Variants in ASIC2 observed in about 807,000 individuals in gnomAD.
ASIC2 encodes the protein acid-sensing ion channel 2.
In ASIC2, 25 loss-of-function variants were observed where a neutral mutation model predicts 57.3. The ratio of observed to expected loss-of-function variants is 0.44; its 90% CI spans 0.32 to 0.61. The LOEUF is 0.61. Among genes scored for constraint, ASIC2 ranks in the 20% least tolerant of loss-of-function variants. The pLI is 0.06. For missense variants in ASIC2, 641 were observed against 738.1 expected (o/e 0.87, Z 1.52); for synonymous variants, 319 against 307.5 (o/e 1.04, Z -0.39).
chr17:33,241,889 G>A (rs1908519371), intron 1 of ASIC2, among the ~76,000 whole-genome samples: 1 of 152,226 alleles, frequency 6.6e-6, no homozygotes, highest in Non-Finnish European at 1.5e-5. Flanking sequence ...CATGATGCCA[G>A]CAGGCAATCG....
In ASIC2 at chr17:33,979,015, C is replaced by T. The variant is rs530102848; in HGVS notation, c.555+176963G>A. On this transcript the variant is annotated intron_variant, in intron 1 of 9. Transcript: ENST00000359872. ...GACAGATCCAACCAGAGTCAGTTTA[C>T]AGACTACATGTAAGGTGTCGGGCAG... Among the ~76,000 whole-genome samples, 6 of 152,272 alleles carry T rather than the reference C, an allele frequency of 3.9e-5. No homozygotes were observed. In the East Asian group the frequency reaches 5.8e-4, roughly 15 times the overall value.
At chr17:33,657,762 A>C (rs1907123186) in intron 1 of ASIC2, among the ~76,000 whole-genome samples, 2 of 151,332 alleles carry the variant, frequency 1.3e-5, no homozygotes, top group African/African-American at 4.8e-5. Context: ...GTTTCTAAAA[A>C]AAAAAAAAAA....
Position 33,620,869 on chromosome 17 carries a change from C to A in ASIC2, c.556-508802G>T, listed in dbSNP as rs1905770224. ...ATGCCCATTCCAGGGCCTCCCAGAC[C>A]ATGCACCCCCAGCCCCCACAGCCTC... On this transcript the variant is annotated intron_variant, in intron 1 of 9. Transcript: ENST00000359872. 2.0e-5 allele frequency among the ~76,000 whole-genome samples: 3 copies of A among 152,200 alleles called. No individual in the cohort carries two copies. The South Asian group carries it at 6.2e-4, about 32-fold the overall frequency.
chr17:33,024,969 A>AT (rs986934309), intron 5 of ASIC2, among the ~76,000 whole-genome samples: 4 of 152,018 alleles, frequency 2.6e-5, no homozygotes, highest in Admixed American at 1.3e-4. Flanking sequence ...TGTCAGAGTG[A>AT]TTTTTTCTTT....
At chr17:33,726,677 A>G (rs1269192924) in intron 1 of ASIC2, among the ~76,000 whole-genome samples, 1 of 152,216 alleles carries the variant, frequency 6.6e-6, no homozygotes, top group Non-Finnish European at 1.5e-5. Flanking sequence ...AAACCCTGAG[A>G]CAATTTAACA....
At chr17:33,694,698 A>T (rs1251377244) in intron 1 of ASIC2, among the ~76,000 whole-genome samples, 2 of 152,210 alleles carry the variant, frequency 1.3e-5, no homozygotes, top group Non-Finnish European at 2.9e-5. Context: ...ATACAGCCAG[A>T]GAGAGAACAG....
intron 3 of ASIC2, among the ~76,000 whole-genome samples, chr17:33,036,633 T>C (rs561570932): frequency 6.6e-6 from 1 of 152,136 alleles, no homozygotes; most frequent in African/African-American, 2.4e-5. Flanking sequence ...AGATGGAGTG[T>C]TGTTAGGGTC....
At chr17:33,651,575 G>A (rs904282103) in intron 1 of ASIC2, among the ~76,000 whole-genome samples, 5 of 152,220 alleles carry the variant, frequency 3.3e-5, no homozygotes, top group South Asian at 2.1e-4. Flanking sequence ...TGAAGCCTCA[G>A]AGAGCTTACT....
chr17:33,158,050 A>C (rs1905058060), intron 1 of ASIC2, among the ~76,000 whole-genome samples: 1 of 152,016 alleles, frequency 6.6e-6, no homozygotes, highest in African/African-American at 2.4e-5. Context: ...GGTGACTCTA[A>C]TGTCACCTGT....
chr17:33,266,432 C>G (rs960772853), intron 1 of ASIC2, among the ~76,000 whole-genome samples: 13 of 152,128 alleles, frequency 8.5e-5, no homozygotes, highest in African/African-American at 2.9e-4. Flanking sequence ...CAACAGATTC[C>G]CAGTTTTTCA....
intron 1 of ASIC2, among the ~76,000 whole-genome samples, chr17:33,431,163 G>A (rs1911404102): frequency 6.6e-6 from 1 of 152,300 alleles, no homozygotes; most frequent in South Asian, 2.1e-4. Context: ...CTCCATTCGT[G>A]GGTCTGTGGC....
chr17:34,074,781 T>C (rs933142672), intron 1 of ASIC2, among the ~76,000 whole-genome samples: 3 of 137,466 alleles, frequency 2.2e-5, no homozygotes, highest in Admixed American at 7.1e-5. Flanking sequence ...TTTCTTTCTT[T>C]CTTTTTTTTT....
intron 1 of ASIC2, among the ~76,000 whole-genome samples, chr17:33,718,441 C>T (rs980849161): frequency 6.6e-6 from 1 of 151,712 alleles, no homozygotes; most frequent in Non-Finnish European, 1.5e-5. Context: ...CGATGGCTCT[C>T]CCTCATCTGC....
chr17:33,825,992 A>G (rs370113964), intron 1 of ASIC2, among the ~76,000 whole-genome samples: 17 of 152,200 alleles, frequency 1.1e-4, no homozygotes, highest in African/African-American at 4.1e-4. Context: ...ACAACTCGGG[A>G]AAAACCTCAA....
chr17:34,131,539 C>T (rs1484033329), intron 1 of ASIC2, among the ~76,000 whole-genome samples: 1 of 152,180 alleles, frequency 6.6e-6, no homozygotes, highest in Non-Finnish European at 1.5e-5. Flanking sequence ...CCCTCCAGGA[C>T]CTGAGCAAAG....
chr17:33,394,076 A>G (rs969286370), intron 1 of ASIC2, among the ~76,000 whole-genome samples: 5 of 152,242 alleles, frequency 3.3e-5, no homozygotes, highest in South Asian at 2.1e-4. Flanking sequence ...CCTCTGGCAC[A>G]CTGTAAGCTT....
chr17:34,067,906 G>T (rs1909232572), intron 1 of ASIC2, among the ~76,000 whole-genome samples: 1 of 152,186 alleles, frequency 6.6e-6, no homozygotes, highest in African/African-American at 2.4e-5. Flanking sequence ...ATGGATAAAT[G>T]AAATTATCTT....
In ASIC2 at chr17:33,255,193, C is replaced by A. The variant is rs543308251; in HGVS notation, c.708+36215G>T. Among the ~76,000 whole-genome samples, 16 of 151,966 alleles carry A rather than the reference C, an allele frequency of 1.1e-4. No homozygotes were observed. In the South Asian group the frequency reaches 3.1e-3, roughly 30 times the overall value. On this transcript the variant is annotated intron_variant, in intron 1 of 9. Coordinates refer to ENST00000225823, the MANE Select transcript of ASIC2 (RefSeq NM_183377.2). The stretch of plus-strand genomic sequence containing the variant: ...TAGCTGGGACTACAGGTATGCACCA[C>A]CACACTTGGCTAATTTTTGTATTTT...
chr17:33,972,533 G>T (rs1378501620), intron 1 of ASIC2, among the ~76,000 whole-genome samples: 1 of 152,088 alleles, frequency 6.6e-6, no homozygotes, highest in Non-Finnish European at 1.5e-5. Flanking sequence ...ATGCTTTAAG[G>T]AGCATCAAGA....
Sources: gnomAD v4.1 joint callset for allele counts (sites outside exome capture counted in the v4.1 genomes callset) on GRCh38, gnomAD v4.1.1 for gene constraint, MANE v1.5 for transcripts, NCBI Gene and HGNC (gene_info 2026-07-23, HGNC 2026-07-21) for gene names.